Variants in PRRT3 observed in about 807,000 individuals in gnomAD.
PRRT3 encodes the protein proline rich transmembrane protein 3.
A neutral mutation model predicts 56.6 loss-of-function variants in PRRT3; 48 were observed. That is an observed-to-expected ratio of 0.85 (90% CI 0.67 to 1.08). PRRT3 has a LOEUF of 1.08. Ranked by LOEUF, PRRT3 falls within the 50% of genes least tolerant of loss-of-function variation. PRRT3 has a pLI of 0.00. For synonymous variants in PRRT3, 641 were observed against 619.1 expected (o/e 1.04, Z -0.52); for missense variants, 1,370 against 1,353.1 (o/e 1.01, Z -0.20).
Position 9,947,456 on chromosome 3 carries a change from G to C in PRRT3, c.1717C>G (p.Leu573Val), listed in dbSNP as rs2085545914. Residue 573 changes from leucine (L) to valine (V), a missense_variant, in exon 4 of 4, where the codon CTG (leucine) becomes GTG (valine). By Grantham distance (32) the Leu-to-Val change is conservative (BLOSUM62 1). Transcript: ENST00000412055. This position sits in a 1 kb window ranked among gnomAD's most constrained non-coding sequence, Gnocchi z 9.2. The stretch of plus-strand genomic sequence containing the variant: ...TGCACCAGCGCCACTGCTCCCAGCA[G>C]GAGTGGGTTTTGCAGCGGTGGCGGC... ...GLPPPLQNPLLLGAVALVHGV... is the reference protein window; with the variant it reads ...GLPPPLQNPLVLGAVALVHGV... The C allele has an allele frequency of 1.2e-6, 2 of 1,612,542 alleles. No individual in the cohort carries two copies. The highest frequency in any genetic ancestry group is 3.3e-5 in the Admixed American group (2 of 60,006).
Position 9,949,588 on chromosome 3 carries a change from G to A in PRRT3, c.528C>T (p.Gly176=), listed in dbSNP as rs762163607. 1.9e-6 allele frequency: 3 copies of A among 1,614,158 alleles called. No individual in the cohort carries two copies. The highest frequency in any genetic ancestry group is 2.5e-6 in the Non-Finnish European group (3 of 1,180,042). ...CTCTAGGTGGCCACTGTCCCTCTTG[G>A]CCTTCATGCTGCAGGGAGGGAGGAA... ...ATVPPSLQHE[G]QEGQWPPRDE... is the part of the protein sequence containing the mutation. The change falls in exon 2 of 4, where the codon GGC becomes GGT. Residue 176 remains glycine, a synonymous_variant. Transcript: ENST00000412055. The surrounding 1 kb of genome is among the most constrained non-coding windows in gnomAD (Gnocchi z 4.5).
Position 9,946,942 on chromosome 3 carries a change from C to A in PRRT3, c.2231G>T (p.Gly744Val), listed in dbSNP as rs1056772192. The A allele has an allele frequency of 7.8e-6, 12 of 1,542,072 alleles. No individual in the cohort carries two copies. In the Admixed American group the frequency reaches 1.7e-4, roughly 22 times the overall value. ...CTTGCTGATGTCCAAGCTGCCTGCA[C>A]CAACGTTGCTGGGCCCTGCATAGCA... ...NNCYAGPSNV[G>V]AGSLDISKSL... Residue 744 changes from glycine (G) to valine (V), a missense_variant, in exon 4 of 4, where the codon GGT (glycine) becomes GTT (valine). By Grantham distance (109) the Gly-to-Val change is moderately radical. Coordinates refer to ENST00000412055, the MANE Select transcript of PRRT3 (RefSeq NM_207351.5). This position sits in a 1 kb window ranked among gnomAD's most constrained non-coding sequence, Gnocchi z 4.1.
At chr3:9,951,873 T>C (rs934519476) in intron 1 of PRRT3, among the ~76,000 whole-genome samples, 15 of 152,314 alleles carry the variant, frequency 9.8e-5, no homozygotes, top group African/African-American at 3.4e-4. Flanking sequence ...CGGAGGCTCA[T>C]CTTCCACAGG....
At chr3:9,948,960 C>T (rs1469089373) in intron 2 of PRRT3, 47 bp from the exon 3 acceptor site, 1 of 1,526,552 alleles carries the variant, frequency 6.6e-7, no homozygotes, top group East Asian at 2.3e-5. Context: ...TCCTATGGTC[C>T]TCCTAATCCC....
intron 3 of PRRT3, chr3:9,948,455 T>C (rs929741476): frequency 4.4e-6 from 2 of 454,222 alleles, no homozygotes; most frequent in African/African-American, 4.0e-5. Flanking sequence ...GCCTCCGGAA[T>C]AGCTGGGACT....
rs2085594164 is a variant in PRRT3 at position 9,949,827 on chromosome 3, A to T, written c.289T>A (p.Tyr97Asn). The stretch of plus-strand genomic sequence containing the variant: ...GCTCCTTGTGCTGCTTTGGGCCCGT[A>T]CAGGGCTGGGCCAAGGGGAGAGGCT... ...PVASPLGPAL[Y>N]GPKAAQGAQR... The change falls in exon 2 of 4, where the codon TAC becomes AAC. Residue 97 changes from tyrosine to asparagine, a missense_variant. Tyr to Asn is a moderately radical substitution (Grantham distance 143). Transcript: ENST00000412055. This position sits in a 1 kb window ranked among gnomAD's most constrained non-coding sequence, Gnocchi z 4.5. 2 of 1,614,016 alleles carry T rather than the reference A, an allele frequency of 1.2e-6. No homozygotes were observed. Among genetic ancestry groups the T allele is most frequent in the Non-Finnish European group, 1.7e-6 (2 of 1,180,014 alleles).
At position 9,947,875 on chromosome 3, in the gene PRRT3, G is replaced by C. The variant is rs1396366400; in HGVS notation, c.1298C>G (p.Pro433Arg). 1 of 1,427,654 alleles carries C rather than the reference G, an allele frequency of 7.0e-7. No individual in the cohort carries two copies. Among genetic ancestry groups the C allele is most frequent in the Admixed American group, 3.2e-5 (1 of 31,606 alleles). 88.4% of individuals were successfully genotyped at this position (1,427,654 alleles called of 1,614,324 possible). A position where few individuals can be genotyped will look rare whatever the true frequency, so the allele number is the denominator to read the frequency against. ...CATGGAGCTGGCGGTGGGCTCCGGA[G>C]GGGGAGGCTGGCCCAGGGCTCGCTG... ...TTQRALGQPP[P>R]PEPTASSMAS... The change falls in exon 4 of 4, where the codon CCT becomes CGT. Residue 433 changes from proline to arginine, a missense_variant. Transcript: ENST00000412055. This position sits in a 1 kb window ranked among gnomAD's most constrained non-coding sequence, Gnocchi z 9.2.
At position 9,945,838 on chromosome 3, in the gene PRRT3, T is replaced by C. The variant is rs1213620428; in HGVS notation, c.*389A>G. On this transcript the variant is annotated 3_prime_UTR_variant, in exon 4 of 4. Transcript: ENST00000412055. The stretch of plus-strand genomic sequence containing the variant: ...GGGGATGCCTTTTTTTTTTTTTTTT[T>C]TTTTTTTTTTTTTGAGACGGAGTCT... 1 of 133,524 alleles carries C rather than the reference T, an allele frequency of 7.5e-6. No individual in the cohort carries two copies. Among genetic ancestry groups the C allele is most frequent in the Non-Finnish European group, 1.6e-5 (1 of 62,008 alleles). The allele number at this position is 133,524 out of a possible 1,614,324, so 8.3% of individuals were successfully genotyped here. A position where few individuals can be genotyped will look rare whatever the true frequency, so the allele number is the denominator to read the frequency against.
chr3:9,948,986 A>C, intron 2 of PRRT3, 73 bp from the exon 3 acceptor site: 1 of 1,518,786 alleles, frequency 6.6e-7, no homozygotes, highest in African/African-American at 1.4e-5. Flanking sequence ...ATTGAGTCAC[A>C]ATCAACCTCA....
chr3:9,947,778 C>G lies in PRRT3; in HGVS notation c.1395G>C (p.Arg465=), dbSNP rs2085553946. The G allele has an allele frequency of 1.4e-6, 2 of 1,475,812 alleles. No individual in the cohort carries two copies. Among genetic ancestry groups the G allele is most frequent in the Non-Finnish European group, 1.8e-6 (2 of 1,115,284 alleles). The allele number at this position is 1,475,812 out of a possible 1,614,324, so 91.4% of individuals were successfully genotyped here. ...APPLRWGPLR[R]VLSFSWELHV... ...GCAGCTCCCAGGAGAAGCTCAGGAC[C>G]CGCCGAAGGGGGCCCCAGCGTAGCG... The change falls in exon 4 of 4, where the codon CGG becomes CGC. Residue 465 remains arginine, a synonymous_variant. Transcript: ENST00000412055. The surrounding 1 kb of genome is among the most constrained non-coding windows in gnomAD (Gnocchi z 9.2).
At position 9,947,790 on chromosome 3, in the gene PRRT3, GC is replaced by G; in HGVS notation, c.1382del (p.Gly461AlafsTer7). 2 of 1,464,482 alleles carry G rather than the reference GC, an allele frequency of 1.4e-6. No homozygotes were observed. The highest frequency in any genetic ancestry group is 1.8e-6 in the Non-Finnish European group (2 of 1,109,190). 90.7% of individuals were successfully genotyped at this position (1,464,482 alleles called of 1,614,324 possible). A position where few individuals can be genotyped will look rare whatever the true frequency, so the allele number is the denominator to read the frequency against. On this transcript the variant is annotated frameshift_variant, in exon 4 of 4. Coordinates refer to ENST00000412055, the MANE Select transcript of PRRT3 (RefSeq NM_207351.5). LOFTEE classifies it high-confidence loss of function. The surrounding 1 kb of genome is among the most constrained non-coding windows in gnomAD (Gnocchi z 9.2). ...ANATAPPLRWGPLRRVLSFSW... is the reference protein window; with the variant it reads ...ANATAPPLRWXPLRRVLSFSW... Reference sequence around the variant, plus strand: ...AGAAGCTCAGGACCCGCCGAAGGGGGCCCCAGCGTAGCGGGGGTGCAGTGGC... The same window carrying G: ...AGAAGCTCAGGACCCGCCGAAGGGGGCCCAGCGTAGCGGGGGTGCAGTGGC...
rs776321729 is a variant in PRRT3 at position 9,946,282 on chromosome 3, G to C, written c.2891C>G (p.Pro964Arg). The change falls in exon 4 of 4, where the codon CCG becomes CGG. Residue 964 changes from proline to arginine, a missense_variant. Physicochemically the swap from Pro to Arg is moderately radical, Grantham distance 103. Transcript: ENST00000412055. This position sits in a 1 kb window ranked among gnomAD's most constrained non-coding sequence, Gnocchi z 4.1. ...RQGDGQGEVQ[P>R]RGKPGESRSA... is the part of the protein sequence containing the mutation. ...GCGGGATTCCCCAGGCTTGCCGCGC[G>C]GCTGGACCTCTCCCTGGCCGTCCCC... The C allele has an allele frequency of 6.2e-6, 10 of 1,612,716 alleles. No individual in the cohort carries two copies. The highest frequency in any genetic ancestry group is 8.5e-6 in the Non-Finnish European group (10 of 1,179,852).
chr3:9,946,474 G>A lies in PRRT3; in HGVS notation c.2699C>T (p.Ser900Phe). The part of the protein sequence containing the change: ...EAPDGAAAAA[S>F]GSSLDSFSRG... Reference sequence around the variant, plus strand: ...GGAGAAGCTGTCGAGGGAGCTGCCAGAAGCCGCAGCGGCTGCCCCGTCGGG... The same window carrying A: ...GGAGAAGCTGTCGAGGGAGCTGCCAAAAGCCGCAGCGGCTGCCCCGTCGGG... The change falls in exon 4 of 4, where the codon TCT becomes TTT. Residue 900 changes from serine to phenylalanine, a missense_variant. Physicochemically the swap from Ser to Phe is radical, Grantham distance 155. Coordinates refer to ENST00000412055, the MANE Select transcript of PRRT3 (RefSeq NM_207351.5). The surrounding 1 kb of genome is among the most constrained non-coding windows in gnomAD (Gnocchi z 4.1). 6.4e-7 allele frequency: 1 copy of A among 1,560,856 alleles called. No individual in the cohort carries two copies. Among genetic ancestry groups the A allele is most frequent in the Non-Finnish European group, 8.7e-7 (1 of 1,153,466 alleles).
intron 3 of PRRT3, 82 bp from the exon 4 acceptor site, chr3:9,948,083 T>C: frequency 8.0e-7 from 1 of 1,257,404 alleles, no homozygotes; most frequent in Non-Finnish European, 1.0e-6. Flanking sequence ...TGGCAAGTCA[T>C]TTAACTTTTC....
In PRRT3 at chr3:9,947,473, G is replaced by T. The variant is rs987556644; in HGVS notation, c.1700C>A (p.Pro567Gln). 1 of 1,612,372 alleles carries T rather than the reference G, an allele frequency of 6.2e-7. No individual in the cohort carries two copies. The highest frequency in any genetic ancestry group is 1.7e-4 in the Middle Eastern group (1 of 6,060). Reference sequence around the variant, plus strand: ...TCCCAGCAGGAGTGGGTTTTGCAGCGGTGGCGGCAGCCCCGCGCCCAGGCC... The same window carrying T: ...TCCCAGCAGGAGTGGGTTTTGCAGCTGTGGCGGCAGCCCCGCGCCCAGGCC... ...LLGLGAGLPP[P>Q]LQNPLLLGAV... is the part of the protein sequence containing the mutation. Residue 567 changes from proline to glutamine, a missense_variant, in exon 4 of 4, where the codon CCG (proline) becomes CAG (glutamine). Physicochemically the swap from Pro to Gln is moderately conservative, Grantham distance 76. Transcript: ENST00000412055. The surrounding 1 kb of genome is among the most constrained non-coding windows in gnomAD (Gnocchi z 9.2).
chr3:9,946,948 T>C lies in PRRT3; in HGVS notation c.2225A>G (p.Asn742Ser), dbSNP rs1419547175. The C allele has an allele frequency of 6.5e-7, 1 of 1,542,566 alleles. No homozygotes were observed. The change falls in exon 4 of 4, where the codon AAC (asparagine) becomes AGC (serine). Residue 742 changes from asparagine (N) to serine (S), a missense_variant. By Grantham distance (46) the Asn-to-Ser change is conservative. Transcript: ENST00000412055. This position sits in a 1 kb window ranked among gnomAD's most constrained non-coding sequence, Gnocchi z 4.1. ...GATGTCCAAGCTGCCTGCACCAACG[T>C]TGCTGGGCCCTGCATAGCAGTTATT... Reference protein sequence around the residue: ...RPNNCYAGPSNVGAGSLDISK... With the variant: ...RPNNCYAGPSSVGAGSLDISK...
rs780497935 is a variant in PRRT3 at position 9,947,825 on chromosome 3, G to C, written c.1348C>G (p.Pro450Ala). 6.9e-7 allele frequency: 1 copy of C among 1,440,340 alleles called. No homozygotes were observed. Among genetic ancestry groups the C allele is most frequent in the South Asian group, 1.5e-5 (1 of 66,930 alleles). 89.2% of individuals were successfully genotyped at this position (1,440,340 alleles called of 1,614,324 possible). A position where few individuals can be genotyped will look rare whatever the true frequency, so the allele number is the denominator to read the frequency against. ...SMASAPASSP[P>A]ANATAPPLRW... ...AGCGGGGGTGCAGTGGCGTTGGCTG[G>C]GGGGCTGGAGGCTGGGGCTGAAGCC... Residue 450 changes from proline (P) to alanine (A), a missense_variant, in exon 4 of 4, where the codon CCA (proline) becomes GCA (alanine). Coordinates refer to ENST00000412055, the MANE Select transcript of PRRT3 (RefSeq NM_207351.5). The surrounding 1 kb of genome is among the most constrained non-coding windows in gnomAD (Gnocchi z 9.2).
Position 9,948,855 on chromosome 3 carries a change from C to T in PRRT3, c.1074G>A (p.Val358=). 1 of 1,610,394 alleles carries T rather than the reference C, an allele frequency of 6.2e-7. No homozygotes were observed. Among genetic ancestry groups the T allele is most frequent in the East Asian group, 2.2e-5 (1 of 44,824 alleles). The change falls in exon 3 of 4, where the codon GTG becomes GTA. Residue 358 remains valine (V), a synonymous_variant. Transcript: ENST00000412055. ...GAGACTTGGGGGTGCCTGGGGCCTC[C>T]ACAGCTCCTCTCACCCGCTGGGGGG... is the stretch of plus-strand genomic sequence containing the variant. The part of the protein sequence containing the change: ...PISPQRVRGA[V]EAPGTPKSLI...
At position 9,948,433 on chromosome 3, in the gene PRRT3, T is replaced by G. The variant is rs557145086; in HGVS notation, c.1171+325A>C. 27 of 433,830 alleles carry G rather than the reference T, an allele frequency of 6.2e-5. 1 individual carries two copies. The highest frequency in any genetic ancestry group is 2.5e-4 in the Admixed American group (6 of 23,960). 26.9% of individuals were successfully genotyped at this position (433,830 alleles called of 1,614,324 possible). On this transcript the variant is annotated intron_variant, in intron 3 of 3. Coordinates refer to ENST00000412055, the MANE Select transcript of PRRT3 (RefSeq NM_207351.5). ...CAGCCTTGACCTCCAGGACAAGTGA[T>G]CTCCCACCTCAGCCTCCGGAATAGC...
Sources: gnomAD v4.1 joint callset for allele counts (sites outside exome capture counted in the v4.1 genomes callset) on GRCh38, gnomAD v4.1.1 for gene constraint, Gnocchi (gnomAD v3.1) non-coding constraint, MANE v1.5 for transcripts, NCBI Gene and HGNC (gene_info 2026-07-23, HGNC 2026-07-21) for gene names.